TLE3: variants seen among roughly 807,000 people sequenced by gnomAD.
TLE3 encodes TLE family member 3, transcriptional corepressor.
In TLE3, 14 loss-of-function variants were observed where a neutral mutation model predicts 93.0. The ratio of observed to expected loss-of-function variants is 0.15; its 90% CI spans 0.10 to 0.24. The LOEUF is 0.24. Ranked by LOEUF, TLE3 falls within the 10% of genes least tolerant of loss-of-function variation. The pLI, the probability that TLE3 is intolerant of heterozygous loss-of-function variation, is 1.00. For synonymous variants in TLE3, 451 were observed against 425.0 expected (o/e 1.06, Z -0.75); for missense variants, 693 against 1,046.6 (o/e 0.66, Z 4.66).
intron 19 of TLE3, 142 bp from the exon 20 acceptor site, chr15:70,050,346 A>G: frequency 1.5e-6 from 1 of 667,702 alleles, no homozygotes; most frequent in African/African-American, 1.8e-5. Flanking sequence ...TGATGCTCCG[A>G]CCTGGAGCAC....
chr15:70,060,215 C>A (rs188180144), intron 9 of TLE3, among the ~76,000 whole-genome samples: 2 of 152,288 alleles, frequency 1.3e-5, no homozygotes, highest in East Asian at 3.9e-4. Flanking sequence ...CCCCTTAGAG[C>A]CAAGTGGGAT....
intron 4 of TLE3, among the ~76,000 whole-genome samples, chr15:70,076,825 A>T (rs975757049): frequency 6.6e-5 from 10 of 152,068 alleles, no homozygotes; most frequent in African/African-American, 1.9e-4. Context: ...GGCTCAGGTG[A>T]TTCTCCTGCC....
At chr15:70,054,964 A>C in intron 15 of TLE3, 85 bp downstream of exon 15, 1 of 1,487,946 alleles carries the variant, frequency 6.7e-7, no homozygotes, top group Non-Finnish European at 9.0e-7. Flanking sequence ...ATGCTGAGCC[A>C]GGCCCTGGGG....
intron 12 of TLE3, 127 bp from the exon 13 acceptor site, chr15:70,057,785 AC>A: frequency 8.3e-7 from 1 of 1,206,018 alleles, no homozygotes; most frequent in East Asian, 2.5e-5. Context: ...CTCAGACTGA[AC>A]CCACCCAAGT....
At chr15:70,095,313 T>C (rs1001106662) in intron 3 of TLE3, 8 of 1,364,064 alleles carry the variant, frequency 5.9e-6, no homozygotes, top group African/African-American at 1.5e-5. Flanking sequence ...AAAACACAAA[T>C]TAAAGGCACA....
chr15:70,091,553 G>C (rs923376520), intron 4 of TLE3, among the ~76,000 whole-genome samples: 4 of 152,178 alleles, frequency 2.6e-5, no homozygotes, highest in African/African-American at 9.7e-5. Flanking sequence ...GAAGTCCCGG[G>C]CCAGGCCTGT....
At chr15:70,074,500 CACGGT>C in intron 6 of TLE3, 28 bp downstream of exon 6, 2 of 1,601,310 alleles carry the variant, frequency 1.2e-6, no homozygotes, top group Non-Finnish European at 1.7e-6. Flanking sequence ...GGGCTATACA[CACGGT>C]AAGAGGCAGA....
At chr15:70,069,730 G>A (rs1472144715) in intron 6 of TLE3, among the ~76,000 whole-genome samples, 1 of 152,206 alleles carries the variant, frequency 6.6e-6, no homozygotes, top group Non-Finnish European at 1.5e-5. Context: ...TCAGACGGAG[G>A]GTCCGCTAAC....
In TLE3 at chr15:70,050,266, G is replaced by T. The variant is rs1317046361; in HGVS notation, c.2203-62C>A. The stretch of plus-strand genomic sequence containing the variant: ...GTGGGGTGCAGGGAGAAAAAAGACA[G>T]GAATTCATTTTCCAGTGCTCAACAC... On this transcript the variant is annotated intron_variant, in intron 19 of 19. Coordinates refer to ENST00000451782, the MANE Select transcript of TLE3 (RefSeq NM_001105192.3). The T allele has an allele frequency of 6.1e-6, 8 of 1,319,130 alleles. No individual in the cohort carries two copies. In the South Asian group the frequency reaches 8.3e-5, roughly 14 times the overall value. 81.7% of individuals were successfully genotyped at this position (1,319,130 alleles called of 1,614,324 possible).
chr15:70,097,084 C>T lies in TLE3; in HGVS notation c.-286G>A. ...GGCTCGGCGGGCAGCGGCCGGCCGC[C>T]TTCCCTGGGCTGCGTCGAGCGCGTC... On this transcript the variant is annotated 5_prime_UTR_variant, in exon 1 of 20. Transcript: ENST00000451782. The T allele has an allele frequency of 4.1e-6, 2 of 483,390 alleles. No individual in the cohort carries two copies. The highest frequency in any genetic ancestry group is 7.1e-6 in the Non-Finnish European group (2 of 281,212). 29.9% of individuals were successfully genotyped at this position (483,390 alleles called of 1,614,324 possible).
chr15:70,064,917 A>T (rs2056721441), intron 7 of TLE3, among the ~76,000 whole-genome samples: 1 of 152,060 alleles, frequency 6.6e-6, no homozygotes, highest in Admixed American at 6.5e-5. Context: ...AAAAAAAAAA[A>T]AAAAAAGGAA....
chr15:70,057,417 C>A, intron 13 of TLE3, 42 bp downstream of exon 13: 2 of 1,544,748 alleles, frequency 1.3e-6, no homozygotes, highest in Non-Finnish European at 1.8e-6. Context: ...GCTCCCCACA[C>A]CACGCCCAGT....
At chr15:70,064,367 T>A in intron 8 of TLE3, 87 bp downstream of exon 8, 1 of 1,538,780 alleles carries the variant, frequency 6.5e-7, no homozygotes, top group Non-Finnish European at 8.9e-7. Context: ...GACTGACTGG[T>A]CTCAGGCCCG....
intron 4 of TLE3, among the ~76,000 whole-genome samples, chr15:70,090,161 C>T (rs2058242002): frequency 6.6e-6 from 1 of 152,164 alleles, no homozygotes; most frequent in South Asian, 2.1e-4. Flanking sequence ...AGACAGCATG[C>T]AGGGAGCTTG....
chr15:70,078,960 G>C (rs1036161032), intron 4 of TLE3, among the ~76,000 whole-genome samples: 2 of 152,142 alleles, frequency 1.3e-5, no homozygotes, highest in Non-Finnish European at 2.9e-5. Flanking sequence ...AGCTGACCTT[G>C]CCCTTCCCCA....
At chr15:70,079,404 A>G in intron 4 of TLE3, 1 of 452,830 alleles carries the variant, frequency 2.2e-6, no homozygotes, top group Non-Finnish European at 4.4e-6. Context: ...TTACGTTGGG[A>G]GAACCTCCTG....
chr15:70,075,330 A>G (rs377099641), intron 5 of TLE3, among the ~76,000 whole-genome samples: 2 of 152,266 alleles, frequency 1.3e-5, no homozygotes, highest in East Asian at 1.9e-4. Flanking sequence ...AATAAAGTCT[A>G]TTTTAAAAAG....
At chr15:70,062,394 C>T (rs911220066) in intron 8 of TLE3, among the ~76,000 whole-genome samples, 2 of 152,126 alleles carry the variant, frequency 1.3e-5, no homozygotes, top group Non-Finnish European at 1.5e-5. Flanking sequence ...GGGGAGGGGG[C>T]GTGCGGCTGC....
chr15:70,056,983 C>T (rs956485016), intron 13 of TLE3, among the ~76,000 whole-genome samples: 2 of 152,186 alleles, frequency 1.3e-5, no homozygotes, highest in Non-Finnish European at 2.9e-5. Context: ...GATTTCCTGA[C>T]CCCAGGTGAT....
Sources: allele counts gnomAD v4.1 joint callset (sites outside exome capture counted in the v4.1 genomes callset), GRCh38; gene constraint gnomAD v4.1.1; transcripts MANE v1.5; gene names NCBI Gene and HGNC (gene_info 2026-07-23, HGNC 2026-07-21).